ZNF652: variants seen among roughly 807,000 people sequenced by gnomAD.
The protein encoded by ZNF652 is zinc finger protein 652.
ZNF652 carries 16 observed loss-of-function variants against 45.2 expected under a neutral mutation model. The ratio of observed to expected loss-of-function variants is 0.35; its 90% CI spans 0.24 to 0.54. The LOEUF (loss-of-function observed/expected upper bound fraction) is 0.54, where lower values mean the gene tolerates loss of function less well. Ranked by LOEUF, ZNF652 falls within the 20% of genes least tolerant of loss-of-function variation. The pLI is 0.91. For missense variants in ZNF652, 614 were observed against 765.6 expected, an observed-to-expected ratio of 0.80 and a Z score of 2.34; for synonymous variants, 250 against 260.6, an observed-to-expected ratio of 0.96 and a Z score of 0.39.
chr17:49,336,942 GTTTT>G (rs200178711), intron 1 of ZNF652, among the ~76,000 whole-genome samples: 14,798 of 115,178 alleles, frequency 0.13, 1,257 homozygotes, highest in African/African-American at 0.24. Context: ...TCTTAATGGT[GTTTT>G]TTTTTTTTTT....
intron 1 of ZNF652, among the ~76,000 whole-genome samples, chr17:49,359,407 T>C (rs530577778): frequency 6.6e-6 from 1 of 152,342 alleles, no homozygotes; most frequent in African/African-American, 2.4e-5. Context: ...ACAGGTTCTA[T>C]AGGCAAGATT....
At chr17:49,360,750 GAAAA>G (rs920310921) in intron 1 of ZNF652, among the ~76,000 whole-genome samples, 2 of 147,910 alleles carry the variant, frequency 1.4e-5, no homozygotes, top group African/African-American at 5.0e-5. Context: ...CCATCCTCTG[GAAAA>G]AAAAAATACA....
intron 1 of ZNF652, among the ~76,000 whole-genome samples, chr17:49,351,613 A>G (rs2070283891): frequency 6.6e-6 from 1 of 152,136 alleles, no homozygotes; most frequent in Non-Finnish European, 1.5e-5. Context: ...ATATTGAGAG[A>G]TGTCTCAGGA....
At chr17:49,301,828 A>ACCAGCCTGGGCAAC (rs1323735557) in intron 5 of ZNF652, among the ~76,000 whole-genome samples, 1 of 152,136 alleles carries the variant, frequency 6.6e-6, no homozygotes, top group African/African-American at 2.4e-5. Context: ...GGAGTTCGAG[A>ACCAGCCTGGGCAAC]CCAGCCTGGG....
downstream of ZNF652, among the ~76,000 whole-genome samples, chr17:49,288,921 T>C (rs141245601): frequency 2.3e-3 from 343 of 152,342 alleles, 2 homozygotes; most frequent in African/African-American, 7.9e-3. Context: ...TTTCAGATTA[T>C]TGCTCGGCTG....
intron 5 of ZNF652, among the ~76,000 whole-genome samples, chr17:49,299,350 T>C (rs899490593): frequency 6.6e-6 from 1 of 152,190 alleles, no homozygotes; most frequent in Non-Finnish European, 1.5e-5. Flanking sequence ...TGCCTTTAAA[T>C]TTAGGCAAGT....
Position 49,298,453 on chromosome 17 carries a change from C to T in ZNF652, c.1781G>A (p.Arg594Gln), listed in dbSNP as rs765363700. The change falls in exon 6 of 6, where the codon CGG becomes CAG. Residue 594 changes from arginine to glutamine, a missense_variant. Coordinates refer to ENST00000430262, the MANE Select transcript of ZNF652 (RefSeq NM_001145365.3). ...TGAACTGTTCTTCTCTGCCAGGTGC[C>T]GCAGAAAGTTGTCCTCACTCTGGCC... ...HRGQSEDNFL[R>Q]HLAEKNSSAQ... 31 of 1,612,836 alleles carry T rather than the reference C, an allele frequency of 1.9e-5. No homozygotes were observed. Among genetic ancestry groups the T allele is most frequent in the African/African-American group, 6.7e-5 (5 of 74,884 alleles).
chr17:49,342,046 C>G (rs1001668609), intron 1 of ZNF652, among the ~76,000 whole-genome samples: 1 of 152,004 alleles, frequency 6.6e-6, no homozygotes, highest in Non-Finnish European at 1.5e-5. Flanking sequence ...ATTAGCCGGG[C>G]ATGGTGGCAG....
intron 1 of ZNF652, among the ~76,000 whole-genome samples, chr17:49,319,410 G>A (rs115510218): frequency 3.0e-4 from 45 of 151,740 alleles, no homozygotes; most frequent in African/African-American, 1.1e-3. Context: ...CAACGTAGTC[G>A]GATCACGAGG....
chr17:49,298,523 G>C lies in ZNF652; in HGVS notation c.1711C>G (p.Pro571Ala). Residue 571 changes from proline (P) to alanine (A), a missense_variant, in exon 6 of 6, where the codon CCG (proline) becomes GCG (alanine). Around this residue, in one of 5 missense-constraint regions of ZNF652, gnomAD observed 132 missense variants for 137.2 expected, o/e 0.96. Transcript: ENST00000430262. ...CTCTTAAAGAGAGCTGGAGGTGGCGGGAGGTGAGGGACTGGAGGGATGGGA... is the reference window on the plus strand; with the variant it reads ...CTCTTAAAGAGAGCTGGAGGTGGCGCGAGGTGAGGGACTGGAGGGATGGGA... ...HLPIPPVPHL[P>A]PPPALFKSEP... The C allele has an allele frequency of 3.1e-6, 5 of 1,612,688 alleles. No homozygotes were observed. Among genetic ancestry groups the C allele is most frequent in the Non-Finnish European group, 4.2e-6 (5 of 1,179,656 alleles).
At position 49,298,958 on chromosome 17, in the gene ZNF652, T is replaced by C. The variant is rs1382008167; in HGVS notation, c.1310-34A>G. 9 of 1,563,576 alleles carry C rather than the reference T, an allele frequency of 5.8e-6. No homozygotes were observed. The South Asian group carries it at 9.5e-5, about 16-fold the overall frequency. On this transcript the variant is annotated intron_variant, in intron 5 of 5. Coordinates refer to ENST00000430262, the MANE Select transcript of ZNF652 (RefSeq NM_001145365.3). ...AACACAGACATAAAAATGATTAACATATTAGGTGGTAATTGTGTGCTCAAG... is the reference window on the plus strand; with the variant it reads ...AACACAGACATAAAAATGATTAACACATTAGGTGGTAATTGTGTGCTCAAG...
In ZNF652 at chr17:49,295,006, C is replaced by T. The variant is rs1323965057; in HGVS notation, c.*3407G>A. The T allele has an allele frequency of 1.3e-5, 2 of 152,186 alleles. No individual in the cohort carries two copies. The highest frequency in any genetic ancestry group is 2.9e-5 in the Non-Finnish European group (2 of 68,040). 9.4% of individuals were successfully genotyped at this position (152,186 alleles called of 1,614,324 possible). A position where few individuals can be genotyped will look rare whatever the true frequency, so the allele number is the denominator to read the frequency against. Reference sequence around the variant, plus strand: ...AGAGGACCCCAACCAAATTTTCAACCCTGAGTTTGAGTCTTAAGCATGTTA... The same window carrying T: ...AGAGGACCCCAACCAAATTTTCAACTCTGAGTTTGAGTCTTAAGCATGTTA... On this transcript the variant is annotated 3_prime_UTR_variant, in exon 6 of 6. Transcript: ENST00000430262.
At position 49,317,827 on chromosome 17, in the gene ZNF652, A is replaced by G; in HGVS notation, c.-102T>C. 8.2e-7 allele frequency: 1 copy of G among 1,221,036 alleles called. No individual in the cohort carries two copies. The highest frequency in any genetic ancestry group is 1.5e-5 in the African/African-American group (1 of 65,622). 75.6% of individuals were successfully genotyped at this position (1,221,036 alleles called of 1,614,324 possible). A position where few individuals can be genotyped will look rare whatever the true frequency, so the allele number is the denominator to read the frequency against. ...AATCTTTTCTCATCCACAAAGAATC[A>G]CTCAAATGAAAAAAAGATATTCCTG... On this transcript the variant is annotated 5_prime_UTR_variant, in exon 2 of 6. Coordinates refer to ENST00000430262, the MANE Select transcript of ZNF652 (RefSeq NM_001145365.3).
chr17:49,308,940 T>C (rs1224809935), intron 5 of ZNF652, among the ~76,000 whole-genome samples: 1 of 151,500 alleles, frequency 6.6e-6, no homozygotes, highest in Non-Finnish European at 1.5e-5. Context: ...AAAATAATCA[T>C]GAAAGAAACA....
intron 1 of ZNF652, among the ~76,000 whole-genome samples, chr17:49,336,942 G>GTTTTT (rs200178711): frequency 1.3e-4 from 15 of 115,140 alleles, no homozygotes; most frequent in African/African-American, 2.0e-4. Flanking sequence ...TCTTAATGGT[G>GTTTTT]TTTTTTTTTT....
At chr17:49,350,579 A>G (rs144243060) in intron 1 of ZNF652, among the ~76,000 whole-genome samples, 102 of 152,126 alleles carry the variant, frequency 6.7e-4, no homozygotes, top group African/African-American at 2.4e-3. Context: ...AACTTATTGC[A>G]ATAGCATAAA....
At chr17:49,306,566 C>A (rs1046415996) in intron 5 of ZNF652, among the ~76,000 whole-genome samples, 1 of 152,036 alleles carries the variant, frequency 6.6e-6, no homozygotes, top group Non-Finnish European at 1.5e-5. Context: ...GGATTACAGA[C>A]GTGAGTCACT....
At chr17:49,333,469 G>A (rs1470481082) in intron 1 of ZNF652, among the ~76,000 whole-genome samples, 2 of 147,714 alleles carry the variant, frequency 1.4e-5, no homozygotes, top group Non-Finnish European at 3.0e-5. Flanking sequence ...CAGCACTTTG[G>A]GAGGCCAAGG....
intron 1 of ZNF652, among the ~76,000 whole-genome samples, chr17:49,354,610 C>CAA (rs562846972): frequency 0.087 from 9,555 of 110,066 alleles, 461 homozygotes; most frequent in African/African-American, 0.15. Context: ...GACTCCGCCT[C>CAA]AAAAAAAAAA....
Sources: gnomAD v4.1 joint callset for allele counts (sites outside exome capture counted in the v4.1 genomes callset) on GRCh38, gnomAD v4.1.1 for gene constraint, gnomAD v4.1.1 regional missense constraint, MANE v1.5 for transcripts, NCBI Gene and HGNC (gene_info 2026-07-23, HGNC 2026-07-21) for gene names.